POLN: variants seen among roughly 807,000 people sequenced by gnomAD.
POLN encodes DNA polymerase nu.
A neutral mutation model predicts 113.5 loss-of-function variants in POLN; 108 were observed. The observed-to-expected ratio is 0.95, with a 90% CI of 0.81 to 1.12. POLN has a LOEUF of 1.12. Among genes scored for constraint, POLN ranks in the 50% most tolerant of loss-of-function variants. The probability of loss-of-function intolerance (pLI) is 0.00; values close to 1 mark genes in which losing one functional copy is unlikely to be tolerated. For synonymous variants in POLN, 386 were observed against 391.5 expected (o/e 0.99, Z 0.17); for missense variants, 1,097 against 1,077.1 (o/e 1.02, Z -0.26).
At position 2,129,224 on chromosome 4, in the gene POLN, T is replaced by C; in HGVS notation, c.1822A>G (p.Arg608Gly). 1 of 1,599,698 alleles carries C rather than the reference T, an allele frequency of 6.3e-7. No homozygotes were observed. Among genetic ancestry groups the C allele is most frequent in the South Asian group, 1.1e-5 (1 of 90,776 alleles). The part of the protein sequence containing the change: ...KEDKILTISP[R>G]AMFVSSKGHT... Reference sequence around the variant, plus strand: ...CCTTTGGATGAAACAAACATGGCCCTCGGGGAGATCGTGAGAATCTTGTCT... The same window carrying C: ...CCTTTGGATGAAACAAACATGGCCCCCGGGGAGATCGTGAGAATCTTGTCT... Residue 608 changes from arginine to glycine, a missense_variant, in exon 18 of 26, where the codon AGG becomes GGG. Transcript: ENST00000511885.
intron 3 of POLN, among the ~76,000 whole-genome samples, chr4:2,214,000 C>T (rs1159165317): frequency 1.3e-5 from 2 of 152,152 alleles, no homozygotes; most frequent in African/African-American, 4.8e-5. Context: ...CTTTGGGAGG[C>T]TGAGGTGGGT....
chr4:2,088,090 TATAA>T (rs1168471918), intron 20 of POLN, among the ~76,000 whole-genome samples: 2 of 152,222 alleles, frequency 1.3e-5, no homozygotes, highest in Non-Finnish European at 2.9e-5. Context: ...ATAATTCACA[TATAA>T]ATCCAACTTC....
chr4:2,117,933 G>C (rs1731355722), intron 19 of POLN, among the ~76,000 whole-genome samples: 3 of 152,226 alleles, frequency 2.0e-5, no homozygotes, highest in African/African-American at 7.2e-5. Flanking sequence ...TGGAGCCCAA[G>C]GGTTGCTTTA....
chr4:2,215,843 G>C (rs373198671), intron 3 of POLN, among the ~76,000 whole-genome samples: 5 of 152,288 alleles, frequency 3.3e-5, no homozygotes, highest in African/African-American at 1.2e-4. Context: ...CTGGCCTCAA[G>C]GTTGCAAATT....
At chr4:2,212,672 C>A (rs1734020521) in intron 4 of POLN, among the ~76,000 whole-genome samples, 1 of 152,108 alleles carries the variant, frequency 6.6e-6, no homozygotes, top group African/African-American at 2.4e-5. Flanking sequence ...CTGTGTGAGC[C>A]ACTGCATCCA....
At chr4:2,091,334 C>T (rs962834849) in intron 20 of POLN, among the ~76,000 whole-genome samples, 5 of 152,068 alleles carry the variant, frequency 3.3e-5, no homozygotes, top group African/African-American at 1.2e-4. Context: ...GGCCCCGGTC[C>T]CCAGGCATAA....
At chr4:2,176,458 G>T (rs35122368) in intron 8 of POLN, 124 bp from the exon 9 acceptor site, 1 of 696,096 alleles carries the variant, frequency 1.4e-6, no homozygotes, top group East Asian at 2.9e-5. Flanking sequence ...TTCAATGGCA[G>T]ATGTCATGTA....
At chr4:2,220,956 C>T (rs1352222363) in intron 3 of POLN, among the ~76,000 whole-genome samples, 1 of 151,622 alleles carries the variant, frequency 6.6e-6, no homozygotes, top group East Asian at 1.9e-4. Context: ...TTTTCTGTTT[C>T]TCCCTCCCCA....
intron 6 of POLN, among the ~76,000 whole-genome samples, chr4:2,196,434 A>G (rs967064879): frequency 1.3e-5 from 2 of 152,172 alleles, no homozygotes. Flanking sequence ...AAACAAATGA[A>G]TCCAGGACAC....
chr4:2,110,328 A>G (rs917877789), intron 19 of POLN, among the ~76,000 whole-genome samples: 1 of 152,182 alleles, frequency 6.6e-6, no homozygotes, highest in Non-Finnish European at 1.5e-5. Flanking sequence ...CAATTAAAAG[A>G]ACTAGAGAAG....
At chr4:2,123,147 A>T (rs2108720339) in intron 19 of POLN, among the ~76,000 whole-genome samples, 1 of 152,264 alleles carries the variant, frequency 6.6e-6, no homozygotes, top group South Asian at 2.1e-4. Context: ...CACTAAGGGT[A>T]ACAGATCAAG....
At chr4:2,074,380 G>A (rs1730227605) in intron 24 of POLN, among the ~76,000 whole-genome samples, 1 of 152,208 alleles carries the variant, frequency 6.6e-6, no homozygotes, top group Non-Finnish European at 1.5e-5. Flanking sequence ...AGAGAGCAGA[G>A]CACAGGCTGC....
chr4:2,150,144 A>C (rs1732256779), intron 16 of POLN, among the ~76,000 whole-genome samples: 1 of 152,084 alleles, frequency 6.6e-6, no homozygotes, highest in African/African-American at 2.4e-5. Flanking sequence ...TGGGAGAGAG[A>C]CACATACACA....
chr4:2,133,511 G>A (rs1168634668), intron 16 of POLN, among the ~76,000 whole-genome samples: 3 of 152,136 alleles, frequency 2.0e-5, no homozygotes, highest in Non-Finnish European at 4.4e-5. Context: ...CCTGTCATTC[G>A]CAGCAACATG....
Position 2,126,517 on chromosome 4 carries a change from C to T in POLN, c.1982+1596G>A, listed in dbSNP as rs1731582948. Among the ~76,000 whole-genome samples the T allele has an allele frequency of 6.6e-6, 1 of 152,168 alleles. No individual in the cohort carries two copies. The highest frequency in any genetic ancestry group is 1.5e-5 in the Non-Finnish European group (1 of 68,036). Reference sequence around the variant, plus strand: ...GGCGCTGTCGCTGCAGCAGGATGGACAGTAGAGCAATACATGGGAATGTGC... The same window carrying T: ...GGCGCTGTCGCTGCAGCAGGATGGATAGTAGAGCAATACATGGGAATGTGC... On this transcript the variant is annotated intron_variant, in intron 19 of 25. Transcript: ENST00000511885. The surrounding 1 kb of genome is among the most constrained non-coding windows in gnomAD (Gnocchi z 4.6).
chr4:2,167,794 G>A (rs1054461613), intron 13 of POLN, among the ~76,000 whole-genome samples: 36 of 152,246 alleles, frequency 2.4e-4, no homozygotes, highest in African/African-American at 7.0e-4. Context: ...AGCTACTCAG[G>A]AGGCTGAGGC....
chr4:2,199,176 G>T (rs1274848968), intron 5 of POLN, among the ~76,000 whole-genome samples: 1 of 151,964 alleles, frequency 6.6e-6, no homozygotes, highest in Non-Finnish European at 1.5e-5. Flanking sequence ...TTTTTAAAAC[G>T]ACCATTTATA....
intron 16 of POLN, among the ~76,000 whole-genome samples, chr4:2,137,606 T>C (rs1182761798): frequency 6.6e-6 from 1 of 152,052 alleles, no homozygotes; most frequent in Non-Finnish European, 1.5e-5. Context: ...CTCTGCCTGC[T>C]CCTCCTGATA....
intron 7 of POLN, among the ~76,000 whole-genome samples, chr4:2,182,414 G>A (rs1232748505): frequency 6.6e-6 from 1 of 152,188 alleles, no homozygotes; most frequent in Non-Finnish European, 1.5e-5. Context: ...TGGAAGCAGA[G>A]ACTGGAGGGA....
Sources: gnomAD v4.1 joint callset for allele counts (sites outside exome capture counted in the v4.1 genomes callset) on GRCh38, gnomAD v4.1.1 for gene constraint, Gnocchi (gnomAD v3.1) non-coding constraint, MANE v1.5 for transcripts, NCBI Gene and HGNC (gene_info 2026-07-23, HGNC 2026-07-21) for gene names.